Variants in STRBP observed in about 807,000 individuals in gnomAD.
The protein encoded by STRBP is spermatid perinuclear RNA binding protein, also known as spermatid perinuclear RNA-binding protein.
STRBP carries 13 observed loss-of-function variants against 80.1 expected under a neutral mutation model. The observed-to-expected ratio is 0.16, with a 90% CI of 0.11 to 0.26. The LOEUF (loss-of-function observed/expected upper bound fraction) is 0.26. STRBP is among the 10% of genes least tolerant of loss of function. STRBP has a pLI of 1.00. For synonymous variants in STRBP, 284 were observed against 291.2 expected (o/e 0.98, Z 0.25); for missense variants, 485 against 815.2 (o/e 0.59, Z 4.93).
chr9:123,117,010 T>G (rs2035656169), downstream of STRBP, among the ~76,000 whole-genome samples: 1 of 152,096 alleles, frequency 6.6e-6, no homozygotes, highest in Non-Finnish European at 1.5e-5. Flanking sequence ...AAATAAGCAG[T>G]GTGGTTTGGA....
intron 13 of STRBP, 118 bp from the exon 14 acceptor site, chr9:123,139,805 G>A: frequency 1.0e-6 from 1 of 962,258 alleles, no homozygotes; most frequent in Non-Finnish European, 1.6e-6. Flanking sequence ...CACCTTGCAG[G>A]AAGAGCAAGA....
Position 123,160,414 on chromosome 9 carries a change from G to C in STRBP, c.676C>G (p.Arg226Gly). 6.2e-7 allele frequency: 1 copy of C among 1,604,878 alleles called. No homozygotes were observed. Among genetic ancestry groups the C allele is most frequent in the African/African-American group, 1.3e-5 (1 of 74,898 alleles). ...GTGGGGACTCTGTTGCACAAATCAC[G>C]CAGAATGCGGAGGACAATTACACAT... Reference protein sequence around the residue: ...KSCVIVLRILRDLCNRVPTWA... With the variant: ...KSCVIVLRILGDLCNRVPTWA... Residue 226 changes from arginine to glycine, a missense_variant, in exon 8 of 19, where the codon CGT (arginine) becomes GGT (glycine). Arg to Gly is a moderately radical substitution (Grantham distance 125, BLOSUM62 -2). Coordinates refer to ENST00000348403, the MANE Select transcript of STRBP (RefSeq NM_018387.5).
intron 2 of STRBP, among the ~76,000 whole-genome samples, chr9:123,224,423 T>C (rs1588127181): frequency 6.6e-6 from 1 of 152,218 alleles, no homozygotes; most frequent in Non-Finnish European, 1.5e-5. Flanking sequence ...TTCAATCCTA[T>C]CACCCATTGT....
At chr9:123,262,235 G>A (rs184017368) in intron 1 of STRBP, among the ~76,000 whole-genome samples, 46 of 152,290 alleles carry the variant, frequency 3.0e-4, no homozygotes, top group African/African-American at 1.1e-3. Flanking sequence ...TATGCTTGCT[G>A]AATTAACTGG....
At chr9:123,261,571 T>C (rs540889702) in intron 1 of STRBP, among the ~76,000 whole-genome samples, 3 of 152,342 alleles carry the variant, frequency 2.0e-5, no homozygotes, top group South Asian at 2.1e-4. Context: ...TGTATAGTTC[T>C]AAAACATTTA....
At chr9:123,209,662 T>A (rs1457921615) in intron 2 of STRBP, among the ~76,000 whole-genome samples, 1 of 152,042 alleles carries the variant, frequency 6.6e-6, no homozygotes, top group African/African-American at 2.4e-5. Context: ...ATGAGGGAGG[T>A]TTCCAGATTT....
intron 2 of STRBP, among the ~76,000 whole-genome samples, chr9:123,201,691 A>G (rs1377671039): frequency 1.3e-5 from 2 of 152,192 alleles, no homozygotes; most frequent in African/African-American, 4.8e-5. Flanking sequence ...ATCTTGGACA[A>G]TGTTCCATGT....
chr9:123,267,725 C>A (rs1403333710), intron 1 of STRBP, among the ~76,000 whole-genome samples: 2 of 149,834 alleles, frequency 1.3e-5, no homozygotes, highest in Non-Finnish European at 3.0e-5. Flanking sequence ...CGGTGGCCTT[C>A]CTAATACCCG....
intron 2 of STRBP, among the ~76,000 whole-genome samples, chr9:123,206,291 G>A (rs1299561598): frequency 1.3e-5 from 2 of 152,128 alleles, no homozygotes; most frequent in African/African-American, 4.8e-5. Flanking sequence ...AAATACCGTA[G>A]ATAAAGCTAA....
At chr9:123,186,951 A>G (rs1178875927) in intron 2 of STRBP, among the ~76,000 whole-genome samples, 1 of 151,962 alleles carries the variant, frequency 6.6e-6, no homozygotes, top group African/African-American at 2.4e-5. Flanking sequence ...GAGTCACTTA[A>G]TTTCCTTGGG....
chr9:123,133,981 G>A (rs1235848682), intron 16 of STRBP, among the ~76,000 whole-genome samples: 1 of 151,948 alleles, frequency 6.6e-6, no homozygotes, highest in Non-Finnish European at 1.5e-5. Flanking sequence ...CAGTAACCGA[G>A]AATTATAAAA....
At chr9:123,156,219 AT>A (rs1473896478) in intron 11 of STRBP, among the ~76,000 whole-genome samples, 1 of 152,152 alleles carries the variant, frequency 6.6e-6, no homozygotes, top group African/African-American at 2.4e-5. Context: ...CTAAATATAT[AT>A]ATAACATTTT....
intron 2 of STRBP, among the ~76,000 whole-genome samples, chr9:123,227,546 GTTTTCTCTTTTTTT>G (rs1180100948): frequency 7.3e-6 from 1 of 137,678 alleles, no homozygotes; most frequent in Non-Finnish European, 1.6e-5. Flanking sequence ...CATATTTATT[GTTTTCTCTTTTTTT>G]TTTTTTCTTT....
chr9:123,149,588 T>C (rs960185333), intron 11 of STRBP, among the ~76,000 whole-genome samples: 1 of 152,200 alleles, frequency 6.6e-6, no homozygotes, highest in Non-Finnish European at 1.5e-5. Flanking sequence ...CTAATCATAA[T>C]AGCAACCTAA....
rs1030353715 is a variant in STRBP, at chr9:123,125,458, T to C, written c.*139A>G. ...AGAACTAAATTTGCATTTGTTAAAA[T>C]CAAAAAGTAGGAAAGATGTTCTTTA... is the stretch of plus-strand genomic sequence containing the variant. On this transcript the variant is annotated 3_prime_UTR_variant, in exon 19 of 19. Transcript: ENST00000348403. The C allele has an allele frequency of 1.5e-5, 19 of 1,269,518 alleles. No individual in the cohort carries two copies. In the African/African-American group the frequency reaches 2.9e-4, roughly 20 times the overall value. The allele number at this position is 1,269,518 out of a possible 1,614,324, so 78.6% of individuals were successfully genotyped here.
rs184563563 is a variant in STRBP at position 123,248,097 on chromosome 9, A to G, written c.-301-11131T>C. 6.0e-3 allele frequency among the ~76,000 whole-genome samples: 909 copies of G among 151,954 alleles called. 4 individuals carry two copies. The highest frequency in any genetic ancestry group is 9.2e-3 in the Non-Finnish European group (622 of 67,904). On this transcript the variant is annotated intron_variant, in intron 1 of 18. Transcript: ENST00000348403. Reference sequence around the variant, plus strand: ...GGAGATCTTTACTCTGTGTATGTATATATTTTTCCTCCAAAGCAAGGTATC... The same window carrying G: ...GGAGATCTTTACTCTGTGTATGTATGTATTTTTCCTCCAAAGCAAGGTATC...
At chr9:123,127,293 G>A (rs756472687) in intron 18 of STRBP, among the ~76,000 whole-genome samples, 7 of 152,296 alleles carry the variant, frequency 4.6e-5, no homozygotes, top group Middle Eastern at 3.4e-3. Context: ...TGCACAATGC[G>A]AAGGTCTGAG....
chr9:123,123,434 A>G lies in STRBP; in HGVS notation c.*2163T>C. 1.0e-6 allele frequency: 1 copy of G among 985,370 alleles called. No individual in the cohort carries two copies. Among genetic ancestry groups the G allele is most frequent in the Non-Finnish European group, 1.2e-6 (1 of 829,926 alleles). 61.0% of individuals were successfully genotyped at this position (985,370 alleles called of 1,614,324 possible). A position where few individuals can be genotyped will look rare whatever the true frequency, so the allele number is the denominator to read the frequency against. On this transcript the variant is annotated 3_prime_UTR_variant, in exon 19 of 19. Coordinates refer to ENST00000348403, the MANE Select transcript of STRBP (RefSeq NM_018387.5). ...GGTTACCACTTCTAACAAAGGACTGACAGCTCGATTATTTTAAGTAAAGCA... is the reference window on the plus strand; with the variant it reads ...GGTTACCACTTCTAACAAAGGACTGGCAGCTCGATTATTTTAAGTAAAGCA...
chr9:123,182,571 A>G (rs902362314), intron 3 of STRBP, among the ~76,000 whole-genome samples: 5 of 152,242 alleles, frequency 3.3e-5, no homozygotes, highest in African/African-American at 1.2e-4. Flanking sequence ...ATTTCACCAC[A>G]TAACTAAAAT....
Sources: gnomAD v4.1 joint callset for allele counts (sites outside exome capture counted in the v4.1 genomes callset) on GRCh38, gnomAD v4.1.1 for gene constraint, MANE v1.5 for transcripts, NCBI Gene and HGNC (gene_info 2026-07-23, HGNC 2026-07-21) for gene names.